OTUD4: variants seen among roughly 807,000 people sequenced by gnomAD.
OTUD4 encodes OTU deubiquitinase 4.
OTUD4 carries 24 observed loss-of-function variants against 130.4 expected under a neutral mutation model. The ratio of observed to expected loss-of-function variants is 0.18; its 90% CI spans 0.13 to 0.26. The LOEUF is 0.26. OTUD4 is among the 10% of genes least tolerant of loss of function. The pLI is 1.00. For missense variants in OTUD4, 1,031 were observed against 1,329.4 expected (o/e 0.78, Z 3.49); for synonymous variants, 420 against 472.5 (o/e 0.89, Z 1.44).
chr4:145,169,142 G>T lies in OTUD4; in HGVS notation c.294+2528C>A, dbSNP rs553860827. The stretch of plus-strand genomic sequence containing the variant: ...CAGGTCCCAGGGGATAGGCGGAAGA[G>T]GATTAACTGCAAAAAGGCAAAAGGA... On this transcript the variant is annotated intron_variant, in intron 3 of 20. Coordinates refer to ENST00000447906, the MANE Select transcript of OTUD4 (RefSeq NM_001366057.1). Among the ~76,000 whole-genome samples the T allele has an allele frequency of 5.3e-5, 8 of 152,312 alleles. No homozygotes were observed. In the South Asian group the frequency reaches 1.5e-3, roughly 28 times the overall value.
intron 20 of OTUD4, among the ~76,000 whole-genome samples, chr4:145,138,954 C>T (rs1315235432): frequency 6.6e-6 from 1 of 152,208 alleles, no homozygotes; most frequent in African/African-American, 2.4e-5. Flanking sequence ...TCGGGCTCTA[C>T]CACTAACTCA....
At position 145,175,511 on chromosome 4, in the gene OTUD4, T is replaced by G. The variant is rs543086093; in HGVS notation, c.160-767A>C. ...GATAACTTACTGGCATGTGGTCTTT[T>G]ACCAAAATTCTAAAGCTGTGAATTG... is the stretch of plus-strand genomic sequence containing the variant. On this transcript the variant is annotated intron_variant, in intron 1 of 20. Transcript: ENST00000447906. Among the ~76,000 whole-genome samples, 3 of 152,314 alleles carry G rather than the reference T, an allele frequency of 2.0e-5. No individual in the cohort carries two copies. The South Asian group carries it at 6.2e-4, about 32-fold the overall frequency.
chr4:145,152,406 T>C, intron 11 of OTUD4, 135 bp downstream of exon 11: 1 of 591,420 alleles, frequency 1.7e-6, no homozygotes, highest in Non-Finnish European at 3.0e-6. Flanking sequence ...CCACCGTCCC[T>C]GGCCCAAATA....
At chr4:145,154,282 T>TA (rs1751184649) in intron 10 of OTUD4, among the ~76,000 whole-genome samples, 1 of 152,184 alleles carries the variant, frequency 6.6e-6, no homozygotes, top group African/African-American at 2.4e-5. Flanking sequence ...GACAATCCCA[T>TA]AAGGCAGTAC....
intron 12 of OTUD4, 51 bp from the exon 13 acceptor site, chr4:145,150,750 C>T (rs1158148712): frequency 6.2e-7 from 1 of 1,606,198 alleles, no homozygotes; most frequent in Non-Finnish European, 8.5e-7. Context: ...ATAAACAATC[C>T]CAAGTACCAT....
rs1463266695 is a variant in OTUD4 at position 145,146,269 on chromosome 4, A to C, written c.1420T>G (p.Ser474Ala). 7 of 1,519,356 alleles carry C rather than the reference A, an allele frequency of 4.6e-6. No homozygotes were observed. Among genetic ancestry groups the C allele is most frequent in the Non-Finnish European group, 6.1e-6 (7 of 1,139,994 alleles). 94.1% of individuals were successfully genotyped at this position (1,519,356 alleles called of 1,614,324 possible). Residue 474 changes from serine (S) to alanine (A), a missense_variant and splice_region_variant, in exon 14 of 21, where the codon TCC becomes GCC. Physicochemically the swap from Ser to Ala is moderately conservative, Grantham distance 99. Around this residue, in one of 3 missense-constraint regions of OTUD4, gnomAD observed 900 missense variants for 1,095.9 expected, o/e 0.82. Coordinates refer to ENST00000447906, the MANE Select transcript of OTUD4 (RefSeq NM_001366057.1). ...NRDEQAFPAL[S>A]SSSVNQSASQ... ...TTAAACTGTCTTTTCATACATACGG[A>C]AAGGGCTGGGAAAGCCTGTTCATCT...
At chr4:145,138,780 C>A in intron 20 of OTUD4, 130 bp from the exon 21 acceptor site, 1 of 715,818 alleles carries the variant, frequency 1.4e-6, no homozygotes, top group Non-Finnish European at 2.3e-6. Flanking sequence ...ATCTATAGTC[C>A]AAATACTAAA....
At chr4:145,161,101 C>T (rs922051868) in intron 6 of OTUD4, among the ~76,000 whole-genome samples, 7 of 142,702 alleles carry the variant, frequency 4.9e-5, no homozygotes, top group African/African-American at 1.6e-4. Context: ...GAGAGCAACA[C>T]TCCACCTCAA....
chr4:145,136,981 C>G lies in OTUD4; in HGVS notation c.*449G>C, dbSNP rs1750303604. On this transcript the variant is annotated 3_prime_UTR_variant, in exon 21 of 21. Coordinates refer to ENST00000447906, the MANE Select transcript of OTUD4 (RefSeq NM_001366057.1). ...GCATTGCATAATAAAATATACATTT[C>G]TATTTGGTGCAACGTTATGTTTGGA... 6.5e-6 allele frequency: 1 copy of G among 153,290 alleles called. No homozygotes were observed. The highest frequency in any genetic ancestry group is 2.1e-4 in the South Asian group (1 of 4,848). 9.5% of individuals were successfully genotyped at this position (153,290 alleles called of 1,614,324 possible). A position where few individuals can be genotyped will look rare whatever the true frequency, so the allele number is the denominator to read the frequency against.
At chr4:145,176,524 T>C (rs997032640) in intron 1 of OTUD4, among the ~76,000 whole-genome samples, 1 of 131,684 alleles carries the variant, frequency 7.6e-6, no homozygotes, top group Admixed American at 7.6e-5. Flanking sequence ...CCATCTCTAC[T>C]AAAAAATACA....
intron 19 of OTUD4, among the ~76,000 whole-genome samples, chr4:145,140,965 ACCATCCTGG>A (rs1750533654): frequency 6.6e-6 from 1 of 152,038 alleles, no homozygotes; most frequent in Non-Finnish European, 1.5e-5. Context: ...GGAGATCGAG[ACCATCCTGG>A]CTAACACGGT....
In OTUD4 at chr4:145,171,665, C is replaced by A; in HGVS notation, c.294+5G>T. 8.0e-7 allele frequency: 1 copy of A among 1,250,966 alleles called. No homozygotes were observed. Among genetic ancestry groups the A allele is most frequent in the Non-Finnish European group, 1.2e-6 (1 of 853,298 alleles). The allele number at this position is 1,250,966 out of a possible 1,614,324, so 77.5% of individuals were successfully genotyped here. ...ATAGAAATATACTAGAAGACTGTGA[C>A]ATACCTGTGGATTTTCCAAACGCTT... On this transcript the variant is annotated splice_donor_5th_base_variant and intron_variant, in intron 3 of 20. Coordinates refer to ENST00000447906, the MANE Select transcript of OTUD4 (RefSeq NM_001366057.1).
chr4:145,142,951 A>G (rs1750636195), intron 17 of OTUD4, among the ~76,000 whole-genome samples: 1 of 152,238 alleles, frequency 6.6e-6, no homozygotes, highest in African/African-American at 2.4e-5. Context: ...AACCTTTTCA[A>G]TCAGTACATT....
Position 145,143,362 on chromosome 4 carries a change from T to G in OTUD4, c.1683+3A>C. The G allele has an allele frequency of 1.9e-6, 3 of 1,573,810 alleles. No homozygotes were observed. Among genetic ancestry groups the G allele is most frequent in the Non-Finnish European group, 2.6e-6 (3 of 1,143,654 alleles). ...TCAATGTTAAATGCAACAATATACT[T>G]ACTTGTTCCGCAGGAGAAGGGCACT... On this transcript the variant is annotated splice_donor_region_variant and intron_variant, in intron 17 of 20. Coordinates refer to ENST00000447906, the MANE Select transcript of OTUD4 (RefSeq NM_001366057.1).
chr4:145,143,205 C>CT (rs1750647236), intron 17 of OTUD4, among the ~76,000 whole-genome samples, 160 bp downstream of exon 17: 2 of 152,168 alleles, frequency 1.3e-5, no homozygotes, highest in South Asian at 4.1e-4. Context: ...AGACTAACAT[C>CT]AGAATACATT....
chr4:145,159,668 T>C (rs779311827), intron 6 of OTUD4, 33 bp from the exon 7 acceptor site: 5 of 1,606,296 alleles, frequency 3.1e-6, no homozygotes, highest in Non-Finnish European at 4.3e-6. Context: ...TTTCCAACAT[T>C]AACTACAGGC....
In OTUD4 at chr4:145,156,241, A is replaced by C. The variant is rs529057315; in HGVS notation, c.630-245T>G. Among the ~76,000 whole-genome samples, 405 of 152,370 alleles carry C rather than the reference A, an allele frequency of 2.7e-3. 1 individual carries two copies. The highest frequency in any genetic ancestry group is 4.6e-3 in the Non-Finnish European group (312 of 68,036). On this transcript the variant is annotated intron_variant, in intron 7 of 20. Coordinates refer to ENST00000447906, the MANE Select transcript of OTUD4 (RefSeq NM_001366057.1). ...AACTGGCTCAGTAATAAGAAAACATAAACTGTGAAATTTGGGTGGGTAGAA... is the reference window on the plus strand; with the variant it reads ...AACTGGCTCAGTAATAAGAAAACATCAACTGTGAAATTTGGGTGGGTAGAA...
intron 11 of OTUD4, among the ~76,000 whole-genome samples, chr4:145,151,566 C>T (rs778456695): frequency 3.5e-4 from 53 of 151,968 alleles, no homozygotes; most frequent in Non-Finnish European, 6.0e-4. Context: ...ACCCGGGAAG[C>T]GGAGGTTGCA....
rs1224545210 is a variant in OTUD4, at chr4:145,155,576, A to G, written c.801T>C (p.Ser267=). Residue 267 remains serine, a synonymous_variant, in exon 9 of 21, where the codon TCT becomes TCC. Transcript: ENST00000447906. ...TGCAGATTTTTAACTCACCTTGTTT[A>G]GACTTCAGCCAAATTTCATATTCCA... The part of the protein sequence containing the change: ...RNVEYEIWLK[S]KQAQQKRDYS... 4 of 1,607,800 alleles carry G rather than the reference A, an allele frequency of 2.5e-6. No individual in the cohort carries two copies. In the East Asian group the frequency reaches 6.7e-5, roughly 27 times the overall value.
Sources: allele counts gnomAD v4.1 joint callset (sites outside exome capture counted in the v4.1 genomes callset), GRCh38; gene constraint gnomAD v4.1.1; regional missense constraint gnomAD v4.1.1; transcripts MANE v1.5; gene names NCBI Gene and HGNC (gene_info 2026-07-23, HGNC 2026-07-21).